The following PPP1R12A variants were observed in gnomAD, a reference collection of about 807,000 sequenced individuals.
The protein encoded by PPP1R12A is protein phosphatase 1 regulatory subunit 12A.
Under a neutral mutation model 139.6 loss-of-function variants are expected in PPP1R12A, and 19 were observed. The observed-to-expected ratio is 0.14, with a 90% confidence interval of 0.09 to 0.20. PPP1R12A has a LOEUF of 0.20. Among genes scored for constraint, PPP1R12A ranks in the 10% least tolerant of loss-of-function variants. The pLI is 1.00. For synonymous variants in PPP1R12A, 427 were observed against 420.6 expected, an observed-to-expected ratio of 1.02 and a Z score of -0.19; for missense variants, 925 against 1,211.5, an observed-to-expected ratio of 0.76 and a Z score of 3.51.
intron 19 of PPP1R12A, among the ~76,000 whole-genome samples, chr12:79,793,301 G>C (rs1181137745): frequency 6.6e-6 from 1 of 152,096 alleles, no homozygotes; most frequent in Non-Finnish European, 1.5e-5. Flanking sequence ...TCCTTCATCA[G>C]TACTGAGAGG....
At chr12:79,869,394 T>C (rs1232302302) in intron 2 of PPP1R12A, among the ~76,000 whole-genome samples, 1 of 152,212 alleles carries the variant, frequency 6.6e-6, no homozygotes, top group Non-Finnish European at 1.5e-5. Context: ...TAACTGCACA[T>C]ATCAATAGGG....
At chr12:79,902,106 T>G (rs1416663339) in intron 1 of PPP1R12A, among the ~76,000 whole-genome samples, 1 of 152,174 alleles carries the variant, frequency 6.6e-6, no homozygotes, top group African/African-American at 2.4e-5. Context: ...AGATTTGAGA[T>G]CTTATTCCCT....
At chr12:79,831,896 T>G (rs1565765576) in intron 4 of PPP1R12A, among the ~76,000 whole-genome samples, 1 of 152,262 alleles carries the variant, frequency 6.6e-6, no homozygotes, top group East Asian at 1.9e-4. Flanking sequence ...GTTCATGTAG[T>G]AAAAAAGAAA....
At position 79,820,844 on chromosome 12, in the gene PPP1R12A, T is replaced by C. The variant is rs754885880; in HGVS notation, c.1044A>G (p.Gly348=). The C allele has an allele frequency of 6.2e-7, 1 of 1,613,682 alleles. No homozygotes were observed. The highest frequency in any genetic ancestry group is 2.2e-5 in the East Asian group (1 of 44,838). The change falls in exon 8 of 25, where the codon GGA becomes GGG. Residue 348 remains glycine (G), a synonymous_variant. Coordinates refer to ENST00000450142, the MANE Select transcript of PPP1R12A (RefSeq NM_002480.3). The part of the protein sequence containing the change: ...EQEKVDEEEE[G]KKDESSCSSE... The stretch of plus-strand genomic sequence containing the variant: ...TAGAGCAGCTAGACTCATCCTTCTT[T>C]CCTTCTTCTTCTTCATCAACCTTTT...
intron 1 of PPP1R12A, among the ~76,000 whole-genome samples, chr12:79,931,415 G>A (rs1888244944): frequency 6.6e-6 from 1 of 152,030 alleles, no homozygotes; most frequent in Non-Finnish European, 1.5e-5. Flanking sequence ...CAGAAATGAG[G>A]GAACTGTAAA....
chr12:79,933,356 G>A (rs1888392247), intron 1 of PPP1R12A, among the ~76,000 whole-genome samples: 1 of 152,142 alleles, frequency 6.6e-6, no homozygotes, highest in Admixed American at 6.5e-5. Flanking sequence ...CCCTTAAACA[G>A]TAAGCAGGAC....
intron 2 of PPP1R12A, among the ~76,000 whole-genome samples, chr12:79,865,632 A>ATGTAC (rs1881874782): frequency 6.6e-6 from 1 of 152,234 alleles, no homozygotes; most frequent in Admixed American, 6.5e-5. Flanking sequence ...CTCAGGATAC[A>ATGTAC]AAATCAATGT....
intron 2 of PPP1R12A, among the ~76,000 whole-genome samples, chr12:79,867,015 T>TAC (rs1882042938): frequency 6.6e-6 from 1 of 152,110 alleles, no homozygotes; most frequent in Non-Finnish European, 1.5e-5. Flanking sequence ...AAGACACAGG[T>TAC]ACACATATGT....
chr12:79,862,770 AAACAGT>A, intron 2 of PPP1R12A, among the ~76,000 whole-genome samples: 1 of 152,322 alleles, frequency 6.6e-6, no homozygotes, highest in East Asian at 1.9e-4. Context: ...TTTAGAGAAA[AAACAGT>A]AAAAAGAAAT....
At chr12:79,911,168 T>C (rs1013152660) in intron 1 of PPP1R12A, among the ~76,000 whole-genome samples, 1 of 152,214 alleles carries the variant, frequency 6.6e-6, no homozygotes, top group African/African-American at 2.4e-5. Flanking sequence ...AAGTTTACAC[T>C]TTCAGGCTTG....
intron 1 of PPP1R12A, among the ~76,000 whole-genome samples, chr12:79,916,495 G>C (rs1887007890): frequency 6.6e-6 from 1 of 152,004 alleles, no homozygotes; most frequent in African/African-American, 2.4e-5. Flanking sequence ...TCTCCTATTG[G>C]ATTGTTTAAA....
intron 22 of PPP1R12A, chr12:79,782,109 T>C (rs1487055824): frequency 3.3e-6 from 1 of 307,176 alleles, no homozygotes; most frequent in African/African-American, 2.2e-5. Flanking sequence ...GGAACTTTCA[T>C]AGTTTAGTTG....
intron 12 of PPP1R12A, 70 bp downstream of exon 12, chr12:79,807,156 G>A: frequency 3.7e-6 from 3 of 815,024 alleles, no homozygotes; most frequent in East Asian, 2.9e-5. Context: ...TTAAACTGAG[G>A]GCTCCAAACA....
intron 1 of PPP1R12A, among the ~76,000 whole-genome samples, chr12:79,881,056 ACCACT>A (rs1156996676): frequency 1.3e-5 from 2 of 152,084 alleles, no homozygotes; most frequent in African/African-American, 4.8e-5. Context: ...ATATGCTCTG[ACCACT>A]CCACAAACCG....
chr12:79,823,465 G>A (rs1469972032), intron 5 of PPP1R12A, among the ~76,000 whole-genome samples: 1 of 152,078 alleles, frequency 6.6e-6, no homozygotes, highest in Non-Finnish European at 1.5e-5. Flanking sequence ...ACATCAGGAT[G>A]TTAACATGTA....
intron 1 of PPP1R12A, among the ~76,000 whole-genome samples, chr12:79,879,604 A>G (rs1321745959): frequency 1.3e-5 from 2 of 152,192 alleles, no homozygotes; most frequent in Non-Finnish European, 2.9e-5. Context: ...TGAATGAAAT[A>G]CATAAATGAG....
chr12:79,821,249 G>T, intron 6 of PPP1R12A, 83 bp from the exon 7 acceptor site: 1 of 984,798 alleles, frequency 1.0e-6, no homozygotes, highest in Non-Finnish European at 1.5e-6. Context: ...TAATAACAAA[G>T]TAGTTTTTCA....
intron 6 of PPP1R12A, 81 bp downstream of exon 6, chr12:79,822,035 C>G: frequency 9.8e-7 from 1 of 1,018,896 alleles, no homozygotes; most frequent in Non-Finnish European, 1.4e-6. Context: ...TACAAAACAT[C>G]ACAAGAATAC....
intron 1 of PPP1R12A, among the ~76,000 whole-genome samples, chr12:79,893,881 A>G (rs1884891063): frequency 6.6e-6 from 1 of 152,202 alleles, no homozygotes; most frequent in African/African-American, 2.4e-5. Context: ...GAGCTAAATA[A>G]GAACATACCA....
Sources: gnomAD v4.1 joint callset for allele counts (sites outside exome capture counted in the v4.1 genomes callset) on GRCh38, gnomAD v4.1.1 for gene constraint, MANE v1.5 for transcripts, NCBI Gene and HGNC (gene_info 2026-07-23, HGNC 2026-07-21) for gene names.